CPO: variants seen among roughly 807,000 people sequenced by gnomAD.
CPO encodes the protein metallocarboxypeptidase C.
A neutral mutation model predicts 41.2 loss-of-function variants in CPO; 43 were observed. The ratio of observed to expected loss-of-function variants is 1.04; its 90% CI spans 0.82 to 1.35. The LOEUF (loss-of-function observed/expected upper bound fraction) is 1.35, where lower values mean the gene tolerates loss of function less well. CPO is among the 40% of genes most tolerant of loss of function. The pLI is 0.00. For missense variants in CPO, 408 were observed against 451.7 expected (o/e 0.90, Z 0.88); for synonymous variants, 178 against 162.7 (o/e 1.09, Z -0.72).
intron 2 of CPO, among the ~76,000 whole-genome samples, chr2:206,951,931 A>G (rs1693272326): frequency 6.6e-6 from 1 of 152,246 alleles, no homozygotes; most frequent in African/African-American, 2.4e-5. Context: ...CCCATCACAG[A>G]TATAAACATA....
At chr2:206,959,380 G>T (rs1165355248) in intron 4 of CPO, among the ~76,000 whole-genome samples, 2 of 152,126 alleles carry the variant, frequency 1.3e-5, no homozygotes, top group Non-Finnish European at 2.9e-5. Context: ...GCGGAGACAG[G>T]GATGGCAGGA....
In CPO at chr2:206,944,611, AC is replaced by A. The variant is rs201021877; in HGVS notation, c.68+4945del. On this transcript the variant is annotated intron_variant, in intron 1 of 8. Transcript: ENST00000272852. The stretch of plus-strand genomic sequence containing the variant: ...TTGGACAATTCTATCTCATGAAGAC[AC>A]TGAGATTGTCTTTTCATTTGGACAA... Among the ~76,000 whole-genome samples the A allele has an allele frequency of 3.3e-3, 499 of 152,190 alleles. 3 individuals are homozygous for A. Among genetic ancestry groups the A allele is most frequent in the Non-Finnish European group, 5.5e-3 (376 of 67,940 alleles).
At chr2:206,939,740 A>G in intron 1 of CPO, 73 bp downstream of exon 1, 1 of 1,323,248 alleles carries the variant, frequency 7.6e-7, no homozygotes, top group Non-Finnish European at 1.1e-6. Context: ...TCTTTTTAAG[A>G]CCAATGCAGC....
intron 1 of CPO, 150 bp downstream of exon 1, chr2:206,939,817 T>G (rs1389657185): frequency 6.2e-6 from 3 of 485,290 alleles, no homozygotes; most frequent in Non-Finnish European, 7.5e-6. Flanking sequence ...CCACTGAAAT[T>G]TATCACTGAA....
chr2:206,959,068 G>C (rs1693430024), intron 4 of CPO, among the ~76,000 whole-genome samples: 1 of 152,088 alleles, frequency 6.6e-6, no homozygotes, highest in Non-Finnish European at 1.5e-5. Context: ...TCTGTAAAAA[G>C]AGTACGAAAT....
Position 206,967,346 on chromosome 2 carries a change from TATATAG to T in CPO, c.778-911_778-906del, listed in dbSNP as rs1343986994. 3.3e-4 allele frequency among the ~76,000 whole-genome samples: 37 copies of T among 111,300 alleles called. 1 individual carries two copies. Among genetic ancestry groups the T allele is most frequent in the Middle Eastern group, 4.3e-3 (1 of 232 alleles). 73.0% of individuals were successfully genotyped at this position (111,300 alleles called of 152,430 possible). On this transcript the variant is annotated intron_variant, in intron 7 of 8. Transcript: ENST00000272852. ...CTCTGAAATGCTATATATATATATATATATAGATATATAGATATAGATATAGATATA... is the reference window on the plus strand; with the variant it reads ...CTCTGAAATGCTATATATATATATATATATATAGATATAGATATAGATATA...
intron 4 of CPO, 63 bp from the exon 5 acceptor site, chr2:206,959,568 G>C: frequency 1.3e-6 from 1 of 799,626 alleles, no homozygotes; most frequent in South Asian, 1.5e-5. Flanking sequence ...GTTGAAATTG[G>C]TAGAAAATTA....
chr2:206,948,366 T>C (rs1184341657), intron 1 of CPO, among the ~76,000 whole-genome samples: 1 of 152,196 alleles, frequency 6.6e-6, no homozygotes, highest in Non-Finnish European at 1.5e-5. Context: ...CTATGTTACA[T>C]TCTGAAAAGA....
In CPO at chr2:206,968,293, T is replaced by C. The variant is rs1440351067; in HGVS notation, c.808T>C (p.Leu270=). Reference sequence around the variant, plus strand: ...AGTTGGACAGAAGGCAGCAAATGCATTGAAAGCAAAGTATGGAACCAATTA... The same window carrying C: ...AGTTGGACAGAAGGCAGCAAATGCACTGAAAGCAAAGTATGGAACCAATTA... ...IQVGQKAANA[L]KAKYGTNYRV... is the part of the protein sequence containing the mutation. The change falls in exon 8 of 9, where the codon TTG becomes CTG. Residue 270 remains leucine, a synonymous_variant. Coordinates refer to ENST00000272852, the MANE Select transcript of CPO (RefSeq NM_173077.3). The C allele has an allele frequency of 3.7e-6, 6 of 1,612,408 alleles. No homozygotes were observed. Among genetic ancestry groups the C allele is most frequent in the Admixed American group, 1.7e-5 (1 of 59,998 alleles).
chr2:206,966,478 T>G (rs1415447765), intron 7 of CPO, among the ~76,000 whole-genome samples: 1 of 152,138 alleles, frequency 6.6e-6, no homozygotes, highest in African/African-American at 2.4e-5. Flanking sequence ...TTCTCTCAAC[T>G]TCATCACATA....
Position 206,955,599 on chromosome 2 carries a change from G to C in CPO, c.267+35G>C, listed in dbSNP as rs750175712. On this transcript the variant is annotated intron_variant, in intron 3 of 8. Coordinates refer to ENST00000272852, the MANE Select transcript of CPO (RefSeq NM_173077.3). ...AAGGCTGAGAATTACCTTACCAGGA[G>C]AATTATCCAGGAGGATATGTGTTTA... The C allele has an allele frequency of 4.6e-6, 5 of 1,078,962 alleles. No homozygotes were observed. The South Asian group carries it at 6.2e-5, about 13-fold the overall frequency. The allele number at this position is 1,078,962 out of a possible 1,614,324, so 66.8% of individuals were successfully genotyped here.
chr2:206,948,139 C>T (rs1422792603), intron 1 of CPO, among the ~76,000 whole-genome samples: 1 of 152,174 alleles, frequency 6.6e-6, no homozygotes, highest in Non-Finnish European at 1.5e-5. Flanking sequence ...ATTATAGCAG[C>T]TTTATTCATA....
At chr2:206,944,327 C>T (rs969534096) in intron 1 of CPO, among the ~76,000 whole-genome samples, 4 of 151,792 alleles carry the variant, frequency 2.6e-5, no homozygotes, top group African/African-American at 9.7e-5. Flanking sequence ...CTAGAAAATA[C>T]ATGTATTTTC....
At chr2:206,960,788 C>A in intron 5 of CPO, 64 bp from the exon 6 acceptor site, 4 of 1,130,660 alleles carry the variant, frequency 3.5e-6, no homozygotes, top group Non-Finnish European at 5.4e-6. Flanking sequence ...GACCACCTAT[C>A]ATCACTAACA....
chr2:206,943,345 CAG>C (rs1232278111), intron 1 of CPO, among the ~76,000 whole-genome samples: 1 of 152,070 alleles, frequency 6.6e-6, no homozygotes, highest in African/African-American at 2.4e-5. Flanking sequence ...GAATGAGAGA[CAG>C]GGAGTGGGGG....
chr2:206,949,836 C>T (rs1693217714), intron 2 of CPO, 123 bp downstream of exon 2: 1 of 550,698 alleles, frequency 1.8e-6, no homozygotes, highest in Admixed American at 2.8e-5. Flanking sequence ...TAAGATCTGC[C>T]AATACATTGA....
chr2:206,967,348 T>TATATATATATATATATATATAG (rs902422722), intron 7 of CPO, among the ~76,000 whole-genome samples: 1 of 110,238 alleles, frequency 9.1e-6, no homozygotes, highest in African/African-American at 3.9e-5. Flanking sequence ...TATATATATA[T>TATATATATATATATATATATAG]ATAGATATAT....
chr2:206,943,718 GATGGATAGATGATAGATA>G (rs1559068370), intron 1 of CPO, among the ~76,000 whole-genome samples: 2 of 63,052 alleles, frequency 3.2e-5, no homozygotes, highest in Non-Finnish European at 7.2e-5. Context: ...ATAGATAGAT[GATGGATAGATGATAGATA>G]GATAGATAGA....
At chr2:206,965,888 GGA>G (rs1693566674) in intron 7 of CPO, among the ~76,000 whole-genome samples, 1 of 152,184 alleles carries the variant, frequency 6.6e-6, no homozygotes, top group Admixed American at 6.5e-5. Context: ...TAGTGTCGAA[GGA>G]GAGAGAAGTA....
Sources: gnomAD v4.1 joint callset for allele counts (sites outside exome capture counted in the v4.1 genomes callset) on GRCh38, gnomAD v4.1.1 for gene constraint, MANE v1.5 for transcripts, NCBI Gene and HGNC (gene_info 2026-07-23, HGNC 2026-07-21) for gene names.